The following SPMAP2L variants were observed in gnomAD, a reference collection of about 807,000 sequenced individuals.
SPMAP2L encodes the protein sperm microtubule associated protein 2-like.
chr4:56,624,537 G>C, the SPMAP2L span, among the ~76,000 whole-genome samples: 1 of 152,204 alleles, frequency 6.6e-6, no homozygotes, highest in Non-Finnish European at 1.5e-5. Context: ...AGGAAAAAGT[G>C]GTTTTGTGGG....
chr4:56,595,392 C>A, the SPMAP2L span: 2 of 1,603,634 alleles, frequency 1.2e-6, no homozygotes, highest in Non-Finnish European at 8.5e-7. Flanking sequence ...AGTCGGAGGA[C>A]AAGGCAGAGC....
chr4:56,597,201 A>G, the SPMAP2L span, among the ~76,000 whole-genome samples: 2 of 152,210 alleles, frequency 1.3e-5, no homozygotes, highest in African/African-American at 2.4e-5. Context: ...ATATTCCAGT[A>G]AAGGGAAGAG....
chr4:56,623,200 C>T, the SPMAP2L span, among the ~76,000 whole-genome samples: 2 of 152,130 alleles, frequency 1.3e-5, no homozygotes, highest in Non-Finnish European at 1.5e-5. Context: ...GACCATGTTG[C>T]AAAGCCAGGC....
the SPMAP2L span, among the ~76,000 whole-genome samples, chr4:56,607,716 G>A: frequency 0.043 from 6,570 of 152,152 alleles, 333 homozygotes; most frequent in African/African-American, 0.12. Context: ...ACCTGGGCAT[G>A]GTGGCTCCCG....
the SPMAP2L span, chr4:56,584,450 T>G: frequency 1.6e-6 from 2 of 1,257,662 alleles, no homozygotes; most frequent in Non-Finnish European, 2.2e-6. Flanking sequence ...CAGTTGTTGT[T>G]TCTCCATCCA....
the SPMAP2L span, among the ~76,000 whole-genome samples, chr4:56,540,469 G>A: frequency 0.17 from 25,205 of 151,974 alleles, 2,236 homozygotes; most frequent in East Asian, 0.4. Context: ...CTTGAACCCG[G>A]TAGGCAGAGG....
At chr4:56,601,094 C>T in the SPMAP2L span, 1 of 1,534,360 alleles carries the variant, frequency 6.5e-7, no homozygotes, top group South Asian at 1.2e-5. Context: ...CAGGAACTAG[C>T]TAATCCAAAT....
the SPMAP2L span, among the ~76,000 whole-genome samples, chr4:56,544,505 C>T: frequency 4.6e-5 from 7 of 152,040 alleles, no homozygotes; most frequent in African/African-American, 1.7e-4. Flanking sequence ...CAGGAATAAA[C>T]TTTGAAGAGG....
the SPMAP2L span, among the ~76,000 whole-genome samples, chr4:56,567,444 T>TTG: frequency 3.6e-5 from 1 of 27,432 alleles, no homozygotes; most frequent in African/African-American, 1.9e-4. Context: ...TTTTGGTGGT[T>TTG]TTTTTTTTTT....
At chr4:56,584,798 G>A in the SPMAP2L span, among the ~76,000 whole-genome samples, 1 of 152,192 alleles carries the variant, frequency 6.6e-6, no homozygotes, top group South Asian at 2.1e-4. Flanking sequence ...AACCACTATG[G>A]ATGATGTAGA....
the SPMAP2L span, among the ~76,000 whole-genome samples, chr4:56,537,781 C>T: frequency 4.6e-5 from 7 of 152,052 alleles, no homozygotes; most frequent in African/African-American, 9.7e-5. Flanking sequence ...CAAGCTCCAC[C>T]TCCCGGGTTC....
At chr4:56,604,364 A>C in the SPMAP2L span, among the ~76,000 whole-genome samples, 239 of 152,356 alleles carry the variant, frequency 1.6e-3, no homozygotes, top group African/African-American at 5.4e-3. Flanking sequence ...ATTTTTATTT[A>C]GAAATTTAGC....
the SPMAP2L span, among the ~76,000 whole-genome samples, chr4:56,580,290 C>T: frequency 3.9e-5 from 6 of 152,066 alleles, no homozygotes; most frequent in African/African-American, 1.4e-4. Flanking sequence ...ATTGGCTTTA[C>T]CCCAGGAATG....
At chr4:56,585,836 A>C in the SPMAP2L span, among the ~76,000 whole-genome samples, 1 of 152,024 alleles carries the variant, frequency 6.6e-6, no homozygotes, top group African/African-American at 2.4e-5. Context: ...ATTTTTTTTC[A>C]CCACTAGCAA....
At chr4:56,595,764 CCAGAGCAT>C in the SPMAP2L span, 1 of 825,204 alleles carries the variant, frequency 1.2e-6, no homozygotes, top group Non-Finnish European at 2.2e-6. Context: ...GTGCCTCTCC[CCAGAGCAT>C]TTGATAAGCA....
the SPMAP2L span, among the ~76,000 whole-genome samples, chr4:56,581,618 T>TAA: frequency 2.2e-5 from 3 of 138,708 alleles, no homozygotes; most frequent in Non-Finnish European, 3.2e-5. Flanking sequence ...AGACCCTGTC[T>TAA]AAAAAAAAAA....
the SPMAP2L span, among the ~76,000 whole-genome samples, chr4:56,585,204 C>T: frequency 4.6e-4 from 70 of 152,320 alleles, no homozygotes; most frequent in East Asian, 9.8e-3. Context: ...TCAATTTTCA[C>T]TATAATTCAC....
chr4:56,574,577 T>C, the SPMAP2L span, among the ~76,000 whole-genome samples: 1 of 152,232 alleles, frequency 6.6e-6, no homozygotes, highest in Non-Finnish European at 1.5e-5. Flanking sequence ...TAATTCACCG[T>C]ATAAAATAGA....
the SPMAP2L span, among the ~76,000 whole-genome samples, chr4:56,540,149 A>G: frequency 1.3e-5 from 2 of 152,114 alleles, no homozygotes; most frequent in African/African-American, 2.4e-5. Flanking sequence ...CCTTAAGACA[A>G]CCCTTTGAAG....
Sources: gnomAD v4.1 joint callset for allele counts (sites outside exome capture counted in the v4.1 genomes callset) on GRCh38, gnomAD v4.1.1 for gene constraint, MANE v1.5 for transcripts, NCBI Gene and HGNC (gene_info 2026-07-23, HGNC 2026-07-21) for gene names.